The following AFF3 variants were observed in gnomAD, a reference collection of about 807,000 sequenced individuals.
The protein encoded by AFF3 is AF4/FMR2 family member 3.
A neutral mutation model predicts 129.7 loss-of-function variants in AFF3; 32 were observed. The observed-to-expected ratio is 0.25, with a 90% CI of 0.19 to 0.33. The LOEUF is 0.33. Among genes scored for constraint, AFF3 ranks in the 10% least tolerant of loss-of-function variants. AFF3 has a pLI of 1.00. For synonymous variants in AFF3, 644 were observed against 635.4 expected (o/e 1.01, Z -0.20); for missense variants, 1,373 against 1,592.0 (o/e 0.86, Z 2.34).
Position 99,911,388 on chromosome 2 carries a change from T to TG in AFF3, c.874-73865dup, listed in dbSNP as rs536208218. 3.1e-3 allele frequency among the ~76,000 whole-genome samples: 461 copies of TG among 146,922 alleles called. 2 individuals are homozygous for TG. The highest frequency in any genetic ancestry group is 0.011 in the African/African-American group (418 of 39,762). ...GGGCAACAGAGTGAGACTTCATCTC[T>TG]GGAAAAAAAAAAAAAAAGAAAGAAA... On this transcript the variant is annotated intron_variant, in intron 7 of 24. Transcript: ENST00000672756.
At chr2:99,724,021 C>T (rs1679137370) in intron 11 of AFF3, among the ~76,000 whole-genome samples, 1 of 152,134 alleles carries the variant, frequency 6.6e-6, no homozygotes, top group African/African-American at 2.4e-5. Flanking sequence ...ACTGGGACTT[C>T]CAGCCTCCAG....
intron 4 of AFF3, among the ~76,000 whole-genome samples, chr2:100,038,536 G>T (rs1253700999): frequency 6.6e-6 from 1 of 152,102 alleles, no homozygotes; most frequent in African/African-American, 2.4e-5. Flanking sequence ...ACAGGAGAGG[G>T]TGGGTAAAAG....
intron 7 of AFF3, among the ~76,000 whole-genome samples, chr2:99,918,107 A>G (rs1418079330): frequency 6.6e-6 from 1 of 152,188 alleles, no homozygotes; most frequent in African/African-American, 2.4e-5. Flanking sequence ...TTCAACCAAG[A>G]AACTCTCTCG....
chr2:99,557,920 A>G (rs908426366), intron 22 of AFF3, among the ~76,000 whole-genome samples: 1 of 152,232 alleles, frequency 6.6e-6, no homozygotes, highest in African/African-American at 2.4e-5. Context: ...TCTAGTTTCT[A>G]TAGATAAACA....
chr2:99,779,662 AGCCTT>A (rs1684235675), intron 8 of AFF3, among the ~76,000 whole-genome samples: 1 of 152,154 alleles, frequency 6.6e-6, no homozygotes, highest in African/African-American at 2.4e-5. Flanking sequence ...ATAGTTTTTC[AGCCTT>A]CACTCCCCTC....
intron 10 of AFF3, among the ~76,000 whole-genome samples, chr2:99,735,001 G>C (rs951934779): frequency 2.6e-4 from 40 of 152,134 alleles, no homozygotes; most frequent in African/African-American, 9.4e-4. Flanking sequence ...TTGAAATTGT[G>C]TGGTGGAATG....
intron 4 of AFF3, among the ~76,000 whole-genome samples, chr2:100,024,210 C>A (rs1259289012): frequency 1.8e-5 from 2 of 109,728 alleles, no homozygotes; most frequent in African/African-American, 7.5e-5. Flanking sequence ...CCAGCCTGGG[C>A]GACAGAGCAA....
chr2:99,895,149 T>G (rs1187987542), intron 7 of AFF3, among the ~76,000 whole-genome samples: 1 of 152,204 alleles, frequency 6.6e-6, no homozygotes, highest in Non-Finnish European at 1.5e-5. Context: ...TGTATATGAG[T>G]TGATGCATGA....
intron 7 of AFF3, among the ~76,000 whole-genome samples, chr2:99,997,175 G>A (rs144551854): frequency 3.4e-4 from 52 of 152,218 alleles, no homozygotes; most frequent in African/African-American, 1.1e-3. Flanking sequence ...TACAGATTTC[G>A]TTCTCCAAAC....
chr2:100,041,777 T>C (rs1014154351), intron 4 of AFF3, among the ~76,000 whole-genome samples: 1 of 152,208 alleles, frequency 6.6e-6, no homozygotes, highest in Admixed American at 6.5e-5. Flanking sequence ...CATTGACTCA[T>C]TTTGCATAAA....
chr2:99,772,959 C>T (rs1558836034), intron 8 of AFF3, among the ~76,000 whole-genome samples: 2 of 152,206 alleles, frequency 1.3e-5, no homozygotes, highest in Admixed American at 1.3e-4. Context: ...TCACATGCTT[C>T]CCACCATTCC....
intron 7 of AFF3, among the ~76,000 whole-genome samples, chr2:99,924,501 C>A (rs1269618712): frequency 6.6e-6 from 1 of 152,164 alleles, no homozygotes; most frequent in Non-Finnish European, 1.5e-5. Flanking sequence ...TCTCAGAATT[C>A]TTTCCATGGT....
chr2:99,823,017 TGCACTGTG>T (rs2105698852), intron 8 of AFF3, among the ~76,000 whole-genome samples: 2 of 152,304 alleles, frequency 1.3e-5, no homozygotes, highest in Non-Finnish European at 2.9e-5. Context: ...TCCTCTTCAC[TGCACTGTG>T]GCTGGGTTTT....
At chr2:99,973,829 C>T (rs950666729) in intron 7 of AFF3, among the ~76,000 whole-genome samples, 9 of 152,030 alleles carry the variant, frequency 5.9e-5, no homozygotes, top group African/African-American at 9.7e-5. Context: ...TGTTGTGGCC[C>T]GCTCTGGGGC....
chr2:99,665,929 G>A (rs184945042), intron 12 of AFF3, among the ~76,000 whole-genome samples: 31 of 152,302 alleles, frequency 2.0e-4, no homozygotes, highest in Admixed American at 2.0e-3. Flanking sequence ...AAAGAGCCCA[G>A]TATAATTGGC....
intron 13 of AFF3, among the ~76,000 whole-genome samples, chr2:99,636,912 G>C (rs1462054123): frequency 6.6e-6 from 1 of 152,236 alleles, no homozygotes; most frequent in Non-Finnish European, 1.5e-5. Flanking sequence ...ACCTCTGGGA[G>C]CAGGTCACGG....
At chr2:99,743,841 A>C (rs1321488974) in intron 10 of AFF3, among the ~76,000 whole-genome samples, 1 of 152,198 alleles carries the variant, frequency 6.6e-6, no homozygotes, top group African/African-American at 2.4e-5. Context: ...AGCCATAATA[A>C]AGCATGAAGT....
intron 7 of AFF3, among the ~76,000 whole-genome samples, chr2:99,971,733 C>T (rs564248318): frequency 6.6e-6 from 1 of 152,132 alleles, no homozygotes; most frequent in South Asian, 2.1e-4. Flanking sequence ...AATGACTCAC[C>T]ATCGAGCCCT....
intron 7 of AFF3, among the ~76,000 whole-genome samples, chr2:99,960,882 C>T (rs1027002129): frequency 5.9e-5 from 9 of 152,196 alleles, no homozygotes; most frequent in African/African-American, 2.2e-4. Flanking sequence ...ACTTGCCAAC[C>T]CCCATGATGT....
Sources: allele counts gnomAD v4.1 joint callset (sites outside exome capture counted in the v4.1 genomes callset), GRCh38; gene constraint gnomAD v4.1.1; transcripts MANE v1.5; gene names NCBI Gene and HGNC (gene_info 2026-07-23, HGNC 2026-07-21).